F13A1: variants seen among roughly 807,000 people sequenced by gnomAD.
The protein encoded by F13A1 is FSF, A subunit.
Under a neutral mutation model 80.1 loss-of-function variants are expected in F13A1, and 47 were observed. That is an observed-to-expected ratio of 0.59 (90% CI 0.46 to 0.75). The LOEUF is 0.75. Ranked by LOEUF, F13A1 falls within the 30% of genes least tolerant of loss-of-function variation. The pLI is 0.00. For missense variants in F13A1, 817 were observed against 930.4 expected (o/e 0.88, Z 1.59); for synonymous variants, 349 against 344.9 (o/e 1.01, Z -0.13).
At chr6:6,174,040 T>C (rs1760828465) in intron 12 of F13A1, among the ~76,000 whole-genome samples, 1 of 152,204 alleles carries the variant, frequency 6.6e-6, no homozygotes, top group South Asian at 2.1e-4. Context: ...CTCATGGGGC[T>C]CTAGGCTTTG....
chr6:6,239,340 C>T (rs1757455315), intron 6 of F13A1, among the ~76,000 whole-genome samples: 1 of 151,996 alleles, frequency 6.6e-6, no homozygotes, highest in African/African-American at 2.4e-5. Flanking sequence ...CCGGAAGAAG[C>T]ACGAGGGAAA....
At chr6:6,209,444 A>G (rs940705984) in intron 8 of F13A1, among the ~76,000 whole-genome samples, 6 of 152,182 alleles carry the variant, frequency 3.9e-5, no homozygotes, top group Non-Finnish European at 7.4e-5. Context: ...TTGGCACTTC[A>G]TCAAAAGAAA....
intron 13 of F13A1, 101 bp downstream of exon 13, chr6:6,167,357 T>G: frequency 8.5e-7 from 1 of 1,170,350 alleles, no homozygotes; most frequent in Non-Finnish European, 1.2e-6. Flanking sequence ...GAGCAGGACA[T>G]TCATTCACAC....
chr6:6,174,752 C>T lies in F13A1; in HGVS notation c.1575G>A (p.Val525=), dbSNP rs748418273. The change falls in exon 12 of 15, where the codon GTG becomes GTA. Residue 525 remains valine, a synonymous_variant. Coordinates refer to ENST00000264870, the MANE Select transcript of F13A1 (RefSeq NM_000129.4). Reference sequence around the variant, plus strand: ...AGTCTTTTCCCAGCACAGCATTTTCCACTTCAAAGTCCATGTCAACGTTGG... The same window carrying T: ...AGTCTTTTCCCAGCACAGCATTTTCTACTTCAAAGTCCATGTCAACGTTGG... The part of the protein sequence containing the change: ...SRSNVDMDFE[V]ENAVLGKDFK... The T allele has an allele frequency of 2.5e-6, 4 of 1,614,212 alleles. No homozygotes were observed. Among genetic ancestry groups the T allele is most frequent in the Admixed American group, 1.7e-5 (1 of 60,032 alleles).
At chr6:6,276,755 C>G (rs1757993706) in intron 3 of F13A1, among the ~76,000 whole-genome samples, 1 of 152,156 alleles carries the variant, frequency 6.6e-6, no homozygotes, top group African/African-American at 2.4e-5. Context: ...GAGGATTAAA[C>G]AATAGTGTGT....
At chr6:6,167,332 T>A in intron 13 of F13A1, 126 bp downstream of exon 13, 1 of 458,922 alleles carries the variant, frequency 2.2e-6, no homozygotes, top group Non-Finnish European at 3.4e-6. Context: ...GGTATTTTTT[T>A]TTTTTTTTTT....
chr6:6,171,512 G>A (rs530356063), intron 12 of F13A1, among the ~76,000 whole-genome samples: 5 of 152,100 alleles, frequency 3.3e-5, no homozygotes, highest in East Asian at 1.9e-4. Flanking sequence ...TGCCCAGATC[G>A]GACTGGTTCT....
chr6:6,190,860 G>A (rs1761177893), intron 10 of F13A1, among the ~76,000 whole-genome samples: 1 of 152,016 alleles, frequency 6.6e-6, no homozygotes, highest in Admixed American at 6.5e-5. Context: ...AGACTGCTGT[G>A]CTAGCAATCA....
chr6:6,146,410 A>C (rs1583041526), intron 14 of F13A1, among the ~76,000 whole-genome samples: 1 of 152,084 alleles, frequency 6.6e-6, no homozygotes, highest in African/African-American at 2.4e-5. Flanking sequence ...CAATGCCCTA[A>C]TGTATGCGGC....
At chr6:6,223,432 T>C (rs191045935) in intron 7 of F13A1, among the ~76,000 whole-genome samples, 1 of 152,342 alleles carries the variant, frequency 6.6e-6, no homozygotes, top group East Asian at 1.9e-4. Context: ...TTGCCTCTGT[T>C]GGGCATCTTT....
chr6:6,278,708 G>T (rs1561677122), intron 3 of F13A1, among the ~76,000 whole-genome samples: 3 of 151,734 alleles, frequency 2.0e-5, no homozygotes, highest in Non-Finnish European at 4.4e-5. Flanking sequence ...TGTGGGAGGT[G>T]ACAGTGCCTG....
intron 3 of F13A1, among the ~76,000 whole-genome samples, chr6:6,275,799 C>T (rs765727468): frequency 6.6e-5 from 10 of 152,154 alleles, no homozygotes; most frequent in Non-Finnish European, 1.2e-4. Context: ...AAAGTTAGGA[C>T]CTGGTGTTGT....
At chr6:6,297,494 A>G (rs1390929089) in intron 3 of F13A1, among the ~76,000 whole-genome samples, 4 of 151,118 alleles carry the variant, frequency 2.6e-5, no homozygotes, top group Admixed American at 2.0e-4. Context: ...ATGTGTCCAG[A>G]AATTTATCCA....
intron 8 of F13A1, among the ~76,000 whole-genome samples, chr6:6,214,769 T>A (rs1761689481): frequency 3.3e-5 from 2 of 59,732 alleles, no homozygotes; most frequent in Non-Finnish European, 6.2e-5. Flanking sequence ...TCAACAAAAT[T>A]GATAGACCGC....
chr6:6,152,015 C>A, intron 13 of F13A1, 66 bp from the exon 14 acceptor site: 1 of 1,590,174 alleles, frequency 6.3e-7, no homozygotes, highest in East Asian at 2.3e-5. Flanking sequence ...GTTGTCTTAA[C>A]CATCATCACT....
chr6:6,164,030 C>G (rs1339944597), intron 13 of F13A1, among the ~76,000 whole-genome samples: 2 of 152,088 alleles, frequency 1.3e-5, no homozygotes, highest in African/African-American at 4.8e-5. Context: ...GATGGTATCT[C>G]ATGGTGGCTT....
intron 4 of F13A1, among the ~76,000 whole-genome samples, chr6:6,252,408 C>G (rs1336048853): frequency 6.6e-6 from 1 of 152,126 alleles, no homozygotes; most frequent in Middle Eastern, 3.2e-3. Context: ...CACATATGTA[C>G]ATATGTATCT....
chr6:6,195,082 G>A (rs879308318), intron 10 of F13A1, among the ~76,000 whole-genome samples: 3 of 152,216 alleles, frequency 2.0e-5, no homozygotes, highest in Non-Finnish European at 2.9e-5. Context: ...TAGGCCGGCA[G>A]CCCAGCCTTC....
At chr6:6,211,715 C>T (rs987140451) in intron 8 of F13A1, among the ~76,000 whole-genome samples, 1 of 152,248 alleles carries the variant, frequency 6.6e-6, no homozygotes, top group Non-Finnish European at 1.5e-5. Flanking sequence ...CTACAGCTCC[C>T]AGCGTGAGTG....
Sources: gnomAD v4.1 joint callset for allele counts (sites outside exome capture counted in the v4.1 genomes callset) on GRCh38, gnomAD v4.1.1 for gene constraint, MANE v1.5 for transcripts, NCBI Gene and HGNC (gene_info 2026-07-23, HGNC 2026-07-21) for gene names.